AGAP1: variants seen among roughly 807,000 people sequenced by gnomAD.
The protein encoded by AGAP1 is arf-GAP with GTPase, ANK repeat and PH domain-containing protein 1.
In AGAP1, 29 loss-of-function variants were observed where a neutral mutation model predicts 105.3. That is an observed-to-expected ratio of 0.28 (90% confidence interval 0.21 to 0.38). The LOEUF (loss-of-function observed/expected upper bound fraction) is 0.38. AGAP1 is among the 10% of genes least tolerant of loss of function. The pLI, the probability that AGAP1 is intolerant of heterozygous loss-of-function variation, is 1.00. For synonymous variants in AGAP1, 509 were observed against 485.9 expected (o/e 1.05, Z -0.63); for missense variants, 998 against 1,165.1 (o/e 0.86, Z 2.09).
chr2:235,503,335 T>G (rs988366720), intron 1 of AGAP1, among the ~76,000 whole-genome samples: 1 of 152,174 alleles, frequency 6.6e-6, no homozygotes, highest in Admixed American at 6.5e-5. Flanking sequence ...GTTGTTGTTT[T>G]CGAAGGTCTG....
chr2:236,040,761 C>G lies in AGAP1; in HGVS notation c.1811C>G (p.Thr604Arg), dbSNP rs1031246125. 1 of 1,613,272 alleles carries G rather than the reference C, an allele frequency of 6.2e-7. No homozygotes were observed. The highest frequency in any genetic ancestry group is 8.5e-7 in the Non-Finnish European group (1 of 1,180,020). The part of the protein sequence containing the change: ...CESSKNKSRL[T>R]SQSEAMALQS... ...TTCCTCCGTGCCCAGTCCCGGCTGA[C>G]GAGCCAGAGCGAGGCCATGGCCCTG... The change falls in exon 15 of 18, where the codon ACG becomes AGG. Residue 604 changes from threonine (T) to arginine (R), a missense_variant. Physicochemically the swap from Thr to Arg is moderately conservative, Grantham distance 71. Around this residue, in one of 3 missense-constraint regions of AGAP1, gnomAD observed 735 missense variants for 833.4 expected, o/e 0.88. Coordinates refer to ENST00000304032, the MANE Select transcript of AGAP1 (RefSeq NM_001037131.3). The surrounding 1 kb of genome is among the most constrained non-coding windows in gnomAD (Gnocchi z 5.6).
intron 9 of AGAP1, among the ~76,000 whole-genome samples, chr2:235,833,126 C>A (rs947654511): frequency 5.9e-5 from 9 of 152,348 alleles, no homozygotes; most frequent in African/African-American, 1.9e-4. Context: ...GGGGCACTGG[C>A]AGGACCCGAG....
At chr2:236,085,163 C>T (rs1334071579) in intron 16 of AGAP1, among the ~76,000 whole-genome samples, 1 of 147,024 alleles carries the variant, frequency 6.8e-6, no homozygotes, top group Non-Finnish European at 1.5e-5. Context: ...TCGCAGTGAG[C>T]CAAGATTGTG....
Position 236,124,260 on chromosome 2 carries a change from C to G in AGAP1, c.*138C>G. On this transcript the variant is annotated 3_prime_UTR_variant, in exon 18 of 18. Transcript: ENST00000304032. The surrounding 1 kb of genome is among the most constrained non-coding windows in gnomAD (Gnocchi z 5.1). ...GCCACCTCCCTCCCGCCCACCCACTCTCACCCCAAACAAAATCACAAAACC... is the reference window on the plus strand; with the variant it reads ...GCCACCTCCCTCCCGCCCACCCACTGTCACCCCAAACAAAATCACAAAACC... 1.0e-6 allele frequency: 1 copy of G among 986,246 alleles called. No homozygotes were observed. The highest frequency in any genetic ancestry group is 1.6e-5 in the South Asian group (1 of 62,434). 61.1% of individuals were successfully genotyped at this position (986,246 alleles called of 1,614,324 possible).
chr2:235,517,749 C>G lies in AGAP1; in HGVS notation c.163+22900C>G, dbSNP rs1942448283. Among the ~76,000 whole-genome samples the G allele has an allele frequency of 6.6e-6, 1 of 151,950 alleles. No homozygotes were observed. Among genetic ancestry groups the G allele is most frequent in the South Asian group, 2.1e-4 (1 of 4,804 alleles). On this transcript the variant is annotated intron_variant, in intron 1 of 17. Coordinates refer to ENST00000304032, the MANE Select transcript of AGAP1 (RefSeq NM_001037131.3). This position sits in a 1 kb window ranked among gnomAD's most constrained non-coding sequence, Gnocchi z 4.1. ...GTCAGGAGTTCGAGACCAGCCTGGC[C>G]AACATGGTGAAACCCCGTTTCTACT...
chr2:235,956,245 G>T (rs73130468), intron 12 of AGAP1, among the ~76,000 whole-genome samples: 2 of 152,176 alleles, frequency 1.3e-5, no homozygotes, highest in African/African-American at 2.4e-5. Context: ...ACAGCGCTGC[G>T]CATCGTGCCT....
intron 1 of AGAP1, among the ~76,000 whole-genome samples, chr2:235,540,765 C>T (rs1943409985): frequency 6.6e-6 from 1 of 152,250 alleles, no homozygotes; most frequent in East Asian, 1.9e-4. Flanking sequence ...ACGTGCACCC[C>T]CTTCACTTTC....
At position 235,941,811 on chromosome 2, in the gene AGAP1, C is replaced by T. The variant is rs150175920; in HGVS notation, c.1483+10888C>T. ...GGCTAAAGGGAGTGTGGGATCCATG[C>T]GAAGGGAAGGGTGTGTGCGGCTATG... On this transcript the variant is annotated intron_variant, in intron 12 of 17. Transcript: ENST00000304032. Among the ~76,000 whole-genome samples, 406 of 150,576 alleles carry T rather than the reference C, an allele frequency of 2.7e-3. 4 individuals are homozygous for T. Among genetic ancestry groups the T allele is most frequent in the African/African-American group, 9.5e-3 (386 of 40,720 alleles).
Position 235,973,563 on chromosome 2 carries a change from A to C in AGAP1, c.1645+4940A>C, listed in dbSNP as rs1011657075. On this transcript the variant is annotated intron_variant, in intron 13 of 17. Transcript: ENST00000304032. This position sits in a 1 kb window ranked among gnomAD's most constrained non-coding sequence, Gnocchi z 4.7. ...AGGGAACGTGCAGTGACCAGAGAGA[A>C]GGGTGGTGATGAGGATGAGGGCCAT... 6.6e-6 allele frequency among the ~76,000 whole-genome samples: 1 copy of C among 152,112 alleles called. No homozygotes were observed.
intron 9 of AGAP1, among the ~76,000 whole-genome samples, chr2:235,813,982 A>G (rs377678986): frequency 9.9e-5 from 15 of 152,248 alleles, no homozygotes; most frequent in South Asian, 2.1e-4. Context: ...CGTCACCCAC[A>G]TCGTTCTGCC....
At chr2:236,015,778 A>T (rs2056679440) in intron 13 of AGAP1, among the ~76,000 whole-genome samples, 3 of 152,110 alleles carry the variant, frequency 2.0e-5, no homozygotes, top group Non-Finnish European at 4.4e-5. Flanking sequence ...GTGCCCTAAC[A>T]CTAATTGACT....
At chr2:235,956,539 A>G (rs556804739) in intron 12 of AGAP1, among the ~76,000 whole-genome samples, 17 of 152,198 alleles carry the variant, frequency 1.1e-4, no homozygotes, top group Non-Finnish European at 1.2e-4. Flanking sequence ...GTAGTGGACA[A>G]GAAAGGAGAG....
rs1388014843 is a variant in AGAP1, at chr2:235,671,087, G to A, written c.164-38092G>A. On this transcript the variant is annotated intron_variant, in intron 1 of 17. Transcript: ENST00000304032. ...GCAGCGTGGCCGGGGGTCCCGGGAC[G>A]GGAAGGGGCGTGGTGGGGACTTGCC... 2.2e-5 allele frequency: 28 copies of A among 1,258,172 alleles called. No individual in the cohort carries two copies. The East Asian group carries it at 8.8e-4, about 40-fold the overall frequency. 77.9% of individuals were successfully genotyped at this position (1,258,172 alleles called of 1,614,324 possible). A position where few individuals can be genotyped will look rare whatever the true frequency, so the allele number is the denominator to read the frequency against.
Position 236,035,998 on chromosome 2 carries a change from G to A in AGAP1, c.1646-563G>A, listed in dbSNP as rs1206417596. On this transcript the variant is annotated intron_variant, in intron 13 of 17. Transcript: ENST00000304032. The surrounding 1 kb of genome is among the most constrained non-coding windows in gnomAD (Gnocchi z 4.2). ...AGAGTAGCTACCAAGTCTGGGGCCT[G>A]TCTCAGCTGAGATCCTCCTAAGGCA... Among the ~76,000 whole-genome samples the A allele has an allele frequency of 6.6e-6, 1 of 152,062 alleles. No individual in the cohort carries two copies. Among genetic ancestry groups the A allele is most frequent in the Non-Finnish European group, 1.5e-5 (1 of 68,008 alleles).
Position 235,960,798 on chromosome 2 carries a change from TTCTC to T in AGAP1, c.1484-7662_1484-7659del, listed in dbSNP as rs2054149060. Among the ~76,000 whole-genome samples the T allele has an allele frequency of 6.6e-6, 1 of 152,158 alleles. No individual in the cohort carries two copies. The highest frequency in any genetic ancestry group is 2.1e-4 in the South Asian group (1 of 4,820). ...TGGGGACACTCAACAGGGAGATGCTTTCTCTGTGTCAATAGACTTCACTCATGGA... is the reference window on the plus strand; with the variant it reads ...TGGGGACACTCAACAGGGAGATGCTTTGTGTCAATAGACTTCACTCATGGA... On this transcript the variant is annotated intron_variant, in intron 12 of 17. Transcript: ENST00000304032. This position sits in a 1 kb window ranked among gnomAD's most constrained non-coding sequence, Gnocchi z 4.9.
intron 1 of AGAP1, among the ~76,000 whole-genome samples, chr2:235,521,734 T>TTTTATG (rs562790524): frequency 0.3 from 7,624 of 25,472 alleles, 338 homozygotes; most frequent in East Asian, 0.54. Context: ...TTTTTGTTTG[T>TTTTATG]TATATATATG....
At position 235,945,242 on chromosome 2, in the gene AGAP1, A is replaced by G. The variant is rs373842603; in HGVS notation, c.1483+14319A>G. 2.2e-4 allele frequency among the ~76,000 whole-genome samples: 33 copies of G among 152,270 alleles called. No individual in the cohort carries two copies. In the East Asian group the frequency reaches 5.6e-3, roughly 26 times the overall value. Reference sequence around the variant, plus strand: ...CAGCCTCCTGAGTATCTGGGGCTACAGGTGCCCGCCACCGCGCCCGGCTAA... The same window carrying G: ...CAGCCTCCTGAGTATCTGGGGCTACGGGTGCCCGCCACCGCGCCCGGCTAA... On this transcript the variant is annotated intron_variant, in intron 12 of 17. Transcript: ENST00000304032.
chr2:235,502,571 A>G (rs1941608399), intron 1 of AGAP1, among the ~76,000 whole-genome samples: 1 of 151,428 alleles, frequency 6.6e-6, no homozygotes. Flanking sequence ...TTTGATGGGG[A>G]TTGTCTTTTT....
At chr2:235,629,105 A>G (rs1410385926) in intron 1 of AGAP1, among the ~76,000 whole-genome samples, 1 of 152,084 alleles carries the variant, frequency 6.6e-6, no homozygotes, top group African/African-American at 2.4e-5. Flanking sequence ...CCATTGTATC[A>G]TTCTTATGCC....
Sources: allele counts gnomAD v4.1 joint callset (sites outside exome capture counted in the v4.1 genomes callset), GRCh38; gene constraint gnomAD v4.1.1; regional missense constraint gnomAD v4.1.1; non-coding constraint Gnocchi (gnomAD v3.1); transcripts MANE v1.5; gene names NCBI Gene and HGNC (gene_info 2026-07-23, HGNC 2026-07-21).